Variants in MTHFSD observed in about 807,000 individuals in gnomAD.
MTHFSD encodes methenyltetrahydrofolate synthetase domain containing.
Under a neutral mutation model 31.1 loss-of-function variants are expected in MTHFSD, and 37 were observed. The ratio of observed to expected loss-of-function variants is 1.19; its 90% CI spans 0.91 to 1.56. The LOEUF (loss-of-function observed/expected upper bound fraction) is 1.56, where lower values mean the gene tolerates loss of function less well. MTHFSD is among the 40% of genes most tolerant of loss of function. MTHFSD has a pLI of 0.00. For missense variants in MTHFSD, 664 were observed against 510.1 expected (o/e 1.30, Z -2.91); for synonymous variants, 221 against 206.9 (o/e 1.07, Z -0.59).
At chr16:86,547,285 A>G (rs2303229) in intron 4 of MTHFSD, 166,781 of 985,508 alleles carry the variant, frequency 0.17, 15,290 homozygotes, top group East Asian at 0.39. Context: ...GCATGCATAT[A>G]AAGAATAGGG....
intron 2 of MTHFSD, 115 bp downstream of exon 2, chr16:86,554,530 T>C: frequency 1.2e-6 from 1 of 836,976 alleles, no homozygotes; most frequent in Non-Finnish European, 2.0e-6. Context: ...ACACCACTGC[T>C]CACTGCTCGC....
At chr16:86,540,494 A>G (rs1971345082) in intron 7 of MTHFSD, among the ~76,000 whole-genome samples, 1 of 152,192 alleles carries the variant, frequency 6.6e-6, no homozygotes, top group African/African-American at 2.4e-5. Flanking sequence ...GAGGCTGTCC[A>G]GGCTCCCCCT....
intron 4 of MTHFSD, 52 bp downstream of exon 4, chr16:86,548,412 C>T: frequency 7.0e-7 from 1 of 1,425,100 alleles, no homozygotes; most frequent in Non-Finnish European, 9.8e-7. Flanking sequence ...CGTCAGAAGC[C>T]TTCACAGGGT....
chr16:86,536,881 C>A (rs76141807), intron 7 of MTHFSD, among the ~76,000 whole-genome samples: 1 of 152,190 alleles, frequency 6.6e-6, no homozygotes, highest in Non-Finnish European at 1.5e-5. Flanking sequence ...GAAGAGCAGC[C>A]GCGTGGTTCC....
intron 4 of MTHFSD, 133 bp from the exon 5 acceptor site, chr16:86,546,782 G>C: frequency 1.4e-6 from 1 of 725,526 alleles, no homozygotes; most frequent in Non-Finnish European, 2.3e-6. Context: ...CAACACCGGA[G>C]ATGTGGCGTT....
chr16:86,536,979 A>G (rs1315654459), intron 7 of MTHFSD, among the ~76,000 whole-genome samples: 1 of 152,226 alleles, frequency 6.6e-6, no homozygotes, highest in East Asian at 1.9e-4. Context: ...GAACTGGCGC[A>G]TATTTAACTA....
At chr16:86,543,947 T>A (rs953318743) in intron 5 of MTHFSD, among the ~76,000 whole-genome samples, 4 of 152,180 alleles carry the variant, frequency 2.6e-5, no homozygotes, top group Non-Finnish European at 2.9e-5. Context: ...ATGCCAGGGA[T>A]CTAGGTTGCG....
chr16:86,554,122 C>A (rs1005832701), intron 2 of MTHFSD, among the ~76,000 whole-genome samples: 1 of 152,138 alleles, frequency 6.6e-6, no homozygotes, highest in Admixed American at 6.5e-5. Context: ...CCTCTCCAAT[C>A]CCCTTCCACA....
rs551700451 is a variant in MTHFSD, at chr16:86,534,306, C to T, written c.682-1825G>A. On this transcript the variant is annotated intron_variant, in intron 7 of 7. Coordinates refer to ENST00000360900, the MANE Select transcript of MTHFSD (RefSeq NM_001159377.2). ...CCAGCTCTGAGGCCCAAGGAATCTTCAGCCGATTGTATATTTGCTGGCTCA... is the reference window on the plus strand; with the variant it reads ...CCAGCTCTGAGGCCCAAGGAATCTTTAGCCGATTGTATATTTGCTGGCTCA... Among the ~76,000 whole-genome samples the T allele has an allele frequency of 2.0e-5, 3 of 152,348 alleles. No homozygotes were observed. In the East Asian group the frequency reaches 5.8e-4, roughly 29 times the overall value.
At chr16:86,547,514 G>A (rs991602365) in intron 4 of MTHFSD, 1 of 986,448 alleles carries the variant, frequency 1.0e-6, no homozygotes, top group African/African-American at 1.7e-5. Context: ...CTGCACTGCA[G>A]GAAACCCTGT....
At chr16:86,552,879 C>T (rs1484820851) in intron 2 of MTHFSD, among the ~76,000 whole-genome samples, 1 of 152,212 alleles carries the variant, frequency 6.6e-6, no homozygotes, top group African/African-American at 2.4e-5. Flanking sequence ...AGCAAGCCAA[C>T]AGCTAAGTCC....
Position 86,531,933 on chromosome 16 carries a change from T to G in MTHFSD, c.*78A>C, listed in dbSNP as rs1210831665. The G allele has an allele frequency of 9.6e-7, 1 of 1,046,150 alleles. No individual in the cohort carries two copies. The highest frequency in any genetic ancestry group is 1.3e-6 in the Non-Finnish European group (1 of 771,936). 64.8% of individuals were successfully genotyped at this position (1,046,150 alleles called of 1,614,324 possible). A position where few individuals can be genotyped will look rare whatever the true frequency, so the allele number is the denominator to read the frequency against. On this transcript the variant is annotated 3_prime_UTR_variant, in exon 8 of 8. Coordinates refer to ENST00000360900, the MANE Select transcript of MTHFSD (RefSeq NM_001159377.2). This position sits in a 1 kb window ranked among gnomAD's most constrained non-coding sequence, Gnocchi z 5.5. ...TCCGACACGTCTTGCCACGCAGGCC[T>G]CTCGAGTGCCATCGGAACCGGAGCG...
intron 3 of MTHFSD, among the ~76,000 whole-genome samples, chr16:86,549,324 A>C (rs956656406): frequency 2.0e-5 from 3 of 152,278 alleles, no homozygotes; most frequent in Admixed American, 2.0e-4. Context: ...ATGCAAGGGT[A>C]AGCCACAAGG....
chr16:86,532,667 C>T (rs1970132436), intron 7 of MTHFSD, 186 bp from the exon 8 acceptor site: 1 of 415,666 alleles, frequency 2.4e-6, no homozygotes, highest in African/African-American at 2.0e-5. Flanking sequence ...TGTCACCAGT[C>T]TGTAGCTCTG....
chr16:86,553,609 T>G (rs1425724546), intron 2 of MTHFSD: 3 of 157,148 alleles, frequency 1.9e-5, no homozygotes, highest in Non-Finnish European at 2.8e-5. Context: ...CCCCAAGACC[T>G]GCAGCCTGCC....
chr16:86,550,209 A>T lies in MTHFSD; in HGVS notation c.238-1632T>A, dbSNP rs74798055. Among the ~76,000 whole-genome samples, 12 of 152,300 alleles carry T rather than the reference A, an allele frequency of 7.9e-5. No individual in the cohort carries two copies. The East Asian group carries it at 2.3e-3, about 29-fold the overall frequency. Reference sequence around the variant, plus strand: ...CTTAAGTCCCTTAAAGTTTCCAAAAACCACTGAGGACCCTGAAAGCACCAG... The same window carrying T: ...CTTAAGTCCCTTAAAGTTTCCAAAATCCACTGAGGACCCTGAAAGCACCAG... On this transcript the variant is annotated intron_variant, in intron 3 of 7. Coordinates refer to ENST00000360900, the MANE Select transcript of MTHFSD (RefSeq NM_001159377.2).
At chr16:86,554,585 G>T (rs1334661111) in intron 2 of MTHFSD, 60 bp downstream of exon 2, 2 of 1,225,432 alleles carry the variant, frequency 1.6e-6, no homozygotes, top group Non-Finnish European at 2.4e-6. Context: ...TTTATTACTA[G>T]TGTTATTCAT....
At chr16:86,537,643 T>G (rs902916262) in intron 7 of MTHFSD, among the ~76,000 whole-genome samples, 5 of 152,240 alleles carry the variant, frequency 3.3e-5, no homozygotes, top group African/African-American at 1.2e-4. Flanking sequence ...TTGTGTTTTA[T>G]GCGGGATCTG....
At position 86,552,090 on chromosome 16, in the gene MTHFSD, C is replaced by G; in HGVS notation, c.180G>C (p.Gln60His). ...GTTTATCAGGGTCCACTTTAACTTC[C>G]TGTGTTCTGGCAAAAACGTCTAGGT... ...IKDLDVFART[Q>H]EVKVDPDKPL... is the part of the protein sequence containing the mutation. The change falls in exon 3 of 8, where the codon CAG becomes CAC. Residue 60 changes from glutamine (Q) to histidine (H), a missense_variant. Coordinates refer to ENST00000360900, the MANE Select transcript of MTHFSD (RefSeq NM_001159377.2). 1 of 1,614,222 alleles carries G rather than the reference C, an allele frequency of 6.2e-7. No homozygotes were observed. The highest frequency in any genetic ancestry group is 2.2e-5 in the East Asian group (1 of 44,884).
Sources: allele counts gnomAD v4.1 joint callset (sites outside exome capture counted in the v4.1 genomes callset), GRCh38; gene constraint gnomAD v4.1.1; non-coding constraint Gnocchi (gnomAD v3.1); transcripts MANE v1.5; gene names NCBI Gene and HGNC (gene_info 2026-07-23, HGNC 2026-07-21).